Variants in LRRIQ1 observed in about 807,000 individuals in gnomAD.
The protein encoded by LRRIQ1 is leucine-rich repeat- and IQ domain-containing protein 1.
A neutral mutation model predicts 211.9 loss-of-function variants in LRRIQ1; 210 were observed. That is an observed-to-expected ratio of 0.99 (90% CI 0.89 to 1.11). The LOEUF (loss-of-function observed/expected upper bound fraction) is 1.11, where lower values mean the gene tolerates loss of function less well. Among genes scored for constraint, LRRIQ1 ranks in the 50% most tolerant of loss-of-function variants. LRRIQ1 has a pLI of 0.00. For missense variants in LRRIQ1, 2,136 were observed against 1,939.5 expected (o/e 1.10, Z -1.90); for synonymous variants, 699 against 650.1 (o/e 1.08, Z -1.14).
At chr12:85,256,742 C>A in intron 1 of LRRIQ1, among the ~76,000 whole-genome samples, 1 of 151,032 alleles carries the variant, frequency 6.6e-6, no homozygotes, top group South Asian at 2.1e-4. Context: ...CATTATGTGG[C>A]TCACAGAAGA....
At chr12:85,053,972 G>A (rs1465710370) in intron 7 of LRRIQ1, among the ~76,000 whole-genome samples, 5 of 152,130 alleles carry the variant, frequency 3.3e-5, no homozygotes, top group Non-Finnish European at 1.5e-5. Flanking sequence ...GTTTCTTCGG[G>A]TGTGGAATAC....
chr12:85,209,750 C>CA lies in LRRIQ1; in HGVS notation c.4823-19759dup, dbSNP rs202105432. Among the ~76,000 whole-genome samples, 1,345 of 151,496 alleles carry CA rather than the reference C, an allele frequency of 8.9e-3. 21 individuals carry two copies. The highest frequency in any genetic ancestry group is 0.031 in the African/African-American group (1,273 of 41,400). On this transcript the variant is annotated intron_variant, in intron 24 of 26. Coordinates refer to ENST00000393217, the MANE Select transcript of LRRIQ1 (RefSeq NM_001079910.2). Reference sequence around the variant, plus strand: ...AGAGCATGAGATGCTATTTCTTGAGCAAAAAAAATATTATCTAGGGATTTT... The same window carrying CA: ...AGAGCATGAGATGCTATTTCTTGAGCAAAAAAAAATATTATCTAGGGATTTT...
At chr12:85,139,794 A>T (rs1037494094) in intron 19 of LRRIQ1, among the ~76,000 whole-genome samples, 4 of 151,370 alleles carry the variant, frequency 2.6e-5, no homozygotes, top group African/African-American at 9.7e-5. Context: ...ACATTAATCT[A>T]TTAGGTTAGG....
At chr12:85,197,961 TA>T (rs1335981166) in intron 24 of LRRIQ1, among the ~76,000 whole-genome samples, 6 of 106,420 alleles carry the variant, frequency 5.6e-5, no homozygotes, top group Non-Finnish European at 9.0e-5. Context: ...AATTATATAT[TA>T]TATATAAATA....
chr12:85,143,545 C>A (rs2136601770), intron 19 of LRRIQ1, among the ~76,000 whole-genome samples: 1 of 151,632 alleles, frequency 6.6e-6, no homozygotes, highest in African/African-American at 2.4e-5. Context: ...ATTGCTCAGA[C>A]AAATGTCATG....
chr12:85,216,981 A>G (rs57048089), intron 24 of LRRIQ1, among the ~76,000 whole-genome samples: 2,986 of 152,168 alleles, frequency 0.02, 99 homozygotes, highest in African/African-American at 0.069. Flanking sequence ...CAACTTTAGA[A>G]CCAGGTTTAT....
chr12:85,073,660 C>T (rs1375686386), intron 11 of LRRIQ1, among the ~76,000 whole-genome samples: 1 of 151,926 alleles, frequency 6.6e-6, no homozygotes, highest in Non-Finnish European at 1.5e-5. Context: ...AATTGATAAA[C>T]CTGAGATATC....
intron 7 of LRRIQ1, among the ~76,000 whole-genome samples, chr12:85,053,746 C>T (rs1185547278): frequency 1.3e-5 from 2 of 152,156 alleles, no homozygotes; most frequent in African/African-American, 2.4e-5. Context: ...CTCGCTCCGT[C>T]GCCCAGGCTG....
At position 85,153,645 on chromosome 12, in the gene LRRIQ1, G is replaced by GT. The variant is rs896435633; in HGVS notation, c.4542-11dup. The stretch of plus-strand genomic sequence containing the variant: ...ACTTGTGTTGATTCAGTTAAAAGTG[G>GT]TTTTTTTCTATTGCCAGATCAGAAA... On this transcript the variant is annotated splice_polypyrimidine_tract_variant and intron_variant, in intron 21 of 26. Transcript: ENST00000393217. 5.2e-6 allele frequency: 8 copies of GT among 1,526,502 alleles called. No individual in the cohort carries two copies. The Admixed American group carries it at 5.8e-5, about 11-fold the overall frequency. The allele number at this position is 1,526,502 out of a possible 1,614,324, so 94.6% of individuals were successfully genotyped here. A position where few individuals can be genotyped will look rare whatever the true frequency, so the allele number is the denominator to read the frequency against.
intron 15 of LRRIQ1, among the ~76,000 whole-genome samples, chr12:85,118,998 C>T (rs1887784388): frequency 6.6e-6 from 1 of 152,074 alleles, no homozygotes; most frequent in African/African-American, 2.4e-5. Context: ...TTGTCACCAT[C>T]AATGAGTCTA....
At chr12:85,166,193 G>A (rs1169037200) in intron 24 of LRRIQ1, among the ~76,000 whole-genome samples, 1 of 152,032 alleles carries the variant, frequency 6.6e-6, no homozygotes, top group Non-Finnish European at 1.5e-5. Flanking sequence ...CAGACTTCTG[G>A]CTTTGGTCAG....
intron 24 of LRRIQ1, among the ~76,000 whole-genome samples, chr12:85,173,604 C>T (rs1891525298): frequency 6.6e-6 from 1 of 151,876 alleles, no homozygotes; most frequent in African/African-American, 2.4e-5. Flanking sequence ...CTAGAGACTA[C>T]ACACGCAATC....
chr12:85,109,595 C>T (rs1452749958), intron 15 of LRRIQ1, among the ~76,000 whole-genome samples: 1 of 152,084 alleles, frequency 6.6e-6, no homozygotes, highest in African/African-American at 2.4e-5. Context: ...CAGTGGTTCT[C>T]AAAGGTGTGT....
At chr12:85,065,055 A>G (rs555760837) in intron 8 of LRRIQ1, among the ~76,000 whole-genome samples, 1 of 151,974 alleles carries the variant, frequency 6.6e-6, no homozygotes, top group South Asian at 2.1e-4. Context: ...TGAATTTGTC[A>G]TAGATGATTG....
intron 24 of LRRIQ1, among the ~76,000 whole-genome samples, chr12:85,195,872 GAGAA>G (rs1892876717): frequency 6.6e-6 from 1 of 152,074 alleles, no homozygotes; most frequent in Non-Finnish European, 1.5e-5. Flanking sequence ...ATTAGGAAAA[GAGAA>G]AGTCAAATTG....
chr12:85,120,060 G>A (rs1157361902), intron 15 of LRRIQ1, among the ~76,000 whole-genome samples: 1 of 151,960 alleles, frequency 6.6e-6, no homozygotes, highest in African/African-American at 2.4e-5. Context: ...TATACCTTTG[G>A]TGATTTTTGA....
intron 11 of LRRIQ1, among the ~76,000 whole-genome samples, chr12:85,091,848 T>A (rs1885428062): frequency 6.6e-6 from 1 of 152,208 alleles, no homozygotes; most frequent in Non-Finnish European, 1.5e-5. Flanking sequence ...TCCCAGGGGT[T>A]CCCATCTTCC....
intron 24 of LRRIQ1, among the ~76,000 whole-genome samples, chr12:85,190,683 T>C (rs932553364): frequency 6.6e-6 from 1 of 151,886 alleles, no homozygotes; most frequent in Non-Finnish European, 1.5e-5. Context: ...ATGTTATACA[T>C]AACCTGTCTG....
At chr12:85,269,359 T>C (rs1896486745), downstream of LRRIQ1, among the ~76,000 whole-genome samples, 1 of 152,086 alleles carries the variant, frequency 6.6e-6, no homozygotes, top group South Asian at 2.1e-4. Flanking sequence ...TGAAATAAAA[T>C]TAGACATGGT....
Sources: allele counts gnomAD v4.1 joint callset (sites outside exome capture counted in the v4.1 genomes callset), GRCh38; gene constraint gnomAD v4.1.1; transcripts MANE v1.5; gene names NCBI Gene and HGNC (gene_info 2026-07-23, HGNC 2026-07-21).